TTC28: variants seen among roughly 807,000 people sequenced by gnomAD.
The protein encoded by TTC28 is tetratricopeptide repeat protein 28.
In TTC28, 61 loss-of-function variants were observed where a neutral mutation model predicts 198.0. That is an observed-to-expected ratio of 0.31 (90% CI 0.25 to 0.38). TTC28 has a LOEUF of 0.38. TTC28 is among the 10% of genes least tolerant of loss of function. TTC28 has a pLI of 1.00. For missense variants in TTC28, 2,678 were observed against 3,164.0 expected (o/e 0.85, Z 3.69); for synonymous variants, 1,171 against 1,297.8 (o/e 0.90, Z 2.10).
chr22:28,656,232 G>T (rs1007751158), intron 1 of TTC28, among the ~76,000 whole-genome samples: 1 of 152,100 alleles, frequency 6.6e-6, no homozygotes, highest in African/African-American at 2.4e-5. Context: ...AAGGAGCCTG[G>T]GACTCTAGTG....
chr22:28,030,719 ACT>A, intron 12 of TTC28, among the ~76,000 whole-genome samples: 1 of 152,088 alleles, frequency 6.6e-6, no homozygotes, highest in Non-Finnish European at 1.5e-5. Context: ...CTGGTCAGGC[ACT>A]CTTCCCAGCG....
intron 2 of TTC28, among the ~76,000 whole-genome samples, chr22:28,596,630 A>G (rs140492537): frequency 6.6e-6 from 1 of 152,352 alleles, no homozygotes; most frequent in African/African-American, 2.4e-5. Flanking sequence ...AGTGTCTACT[A>G]ACATTTTAAT....
intron 2 of TTC28, among the ~76,000 whole-genome samples, chr22:28,566,101 C>T (rs989662405): frequency 1.2e-5 from 1 of 85,288 alleles, no homozygotes; most frequent in African/African-American, 2.8e-5. Context: ...GGGTCAATAC[C>T]CCTGCTTTTG....
chr22:28,335,085 T>C (rs2145885864), intron 2 of TTC28, among the ~76,000 whole-genome samples: 1 of 152,328 alleles, frequency 6.6e-6, no homozygotes, highest in East Asian at 1.9e-4. Context: ...CTAGCCAGTC[T>C]TCCCAGCACC....
intron 3 of TTC28, 71 bp from the exon 4 acceptor site, chr22:28,297,923 T>A: frequency 1.4e-6 from 2 of 1,449,014 alleles, no homozygotes; most frequent in Non-Finnish European, 1.9e-6. Context: ...TCTTTTCTAA[T>A]ACGCTCTAGA....
chr22:27,993,006 G>A (rs953540064), intron 18 of TTC28: 3 of 567,430 alleles, frequency 5.3e-6, no homozygotes, highest in African/African-American at 3.7e-5. Flanking sequence ...AATGGCAGTA[G>A]TGGCCAGTGT....
rs556745235 is a variant in TTC28 at position 28,531,203 on chromosome 22, A to G, written c.381+98349T>C. Reference sequence around the variant, plus strand: ...GACACACATAGGCTCAAAATAAAGGAATGGAGGAAGATCTACCAAGCAAAT... The same window carrying G: ...GACACACATAGGCTCAAAATAAAGGGATGGAGGAAGATCTACCAAGCAAAT... On this transcript the variant is annotated intron_variant, in intron 2 of 22. Transcript: ENST00000397906. 9.2e-5 allele frequency among the ~76,000 whole-genome samples: 14 copies of G among 152,294 alleles called. No homozygotes were observed. The South Asian group carries it at 1.0e-3, about 11-fold the overall frequency.
At chr22:28,586,493 G>A (rs911882676) in intron 2 of TTC28, among the ~76,000 whole-genome samples, 5 of 152,094 alleles carry the variant, frequency 3.3e-5, no homozygotes. Context: ...TAGACATCAA[G>A]TGAATACAAA....
At chr22:28,147,204 C>A (rs1271018357) in intron 6 of TTC28, among the ~76,000 whole-genome samples, 1 of 152,184 alleles carries the variant, frequency 6.6e-6, no homozygotes, top group Non-Finnish European at 1.5e-5. Flanking sequence ...GAACAACATG[C>A]AGAAACTGGT....
At chr22:28,390,553 A>G (rs1451906477) in intron 2 of TTC28, among the ~76,000 whole-genome samples, 1 of 152,124 alleles carries the variant, frequency 6.6e-6, no homozygotes, top group Non-Finnish European at 1.5e-5. Flanking sequence ...TATATTTAGG[A>G]TAGTTAGCCC....
chr22:28,479,840 T>C (rs1374668833), intron 2 of TTC28, among the ~76,000 whole-genome samples: 1 of 152,314 alleles, frequency 6.6e-6, no homozygotes, highest in African/African-American at 2.4e-5. Context: ...TGTTTTCTGT[T>C]CCACCACACT....
chr22:28,064,337 G>C (rs1270840892), intron 12 of TTC28, among the ~76,000 whole-genome samples: 1 of 152,086 alleles, frequency 6.6e-6, no homozygotes, highest in Non-Finnish European at 1.5e-5. Context: ...CTTCAGGTTT[G>C]GATGAAGTCT....
At chr22:28,526,844 C>T (rs1601515355) in intron 2 of TTC28, among the ~76,000 whole-genome samples, 2 of 152,168 alleles carry the variant, frequency 1.3e-5, no homozygotes, top group East Asian at 3.9e-4. Context: ...GCAACCTCCG[C>T]CTCCCAGGTA....
intron 6 of TTC28, among the ~76,000 whole-genome samples, chr22:28,161,646 C>T (rs1054541529): frequency 4.0e-5 from 6 of 150,350 alleles, no homozygotes; most frequent in African/African-American, 1.5e-4. Context: ...AGATGGAGAC[C>T]CTGTCTCAAG....
chr22:28,025,364 AAGGTCACCTTAACAAAGGGCAGAGCC>A (rs1938788775), intron 13 of TTC28, among the ~76,000 whole-genome samples: 1 of 152,196 alleles, frequency 6.6e-6, no homozygotes, highest in Non-Finnish European at 1.5e-5. Context: ...TAAAAAGCTC[AAGGTCACCTTAACAAAGGGCAGAGCC>A]AGGTTTCAAA....
chr22:28,543,616 T>C (rs1236686065), intron 2 of TTC28, among the ~76,000 whole-genome samples: 1 of 152,134 alleles, frequency 6.6e-6, no homozygotes, highest in Non-Finnish European at 1.5e-5. Flanking sequence ...TCATAATCAA[T>C]TTTCCTATGA....
intron 2 of TTC28, among the ~76,000 whole-genome samples, chr22:28,466,645 G>C (rs543203104): frequency 1.3e-5 from 2 of 152,090 alleles, no homozygotes; most frequent in Admixed American, 1.3e-4. Context: ...TAAGCCAGAT[G>C]GTTTTAGAGA....
At chr22:28,293,043 C>T (rs2044817440) in intron 5 of TTC28, among the ~76,000 whole-genome samples, 1 of 152,150 alleles carries the variant, frequency 6.6e-6, no homozygotes, top group Non-Finnish European at 1.5e-5. Context: ...ATATTAACTC[C>T]AGTCTTGACA....
intron 2 of TTC28, among the ~76,000 whole-genome samples, chr22:28,547,287 G>A (rs1416347157): frequency 4.6e-5 from 7 of 152,008 alleles, no homozygotes; most frequent in Non-Finnish European, 1.0e-4. Context: ...ATATTCCATG[G>A]CTGTGTGCAG....
Sources: gnomAD v4.1 joint callset for allele counts (sites outside exome capture counted in the v4.1 genomes callset) on GRCh38, gnomAD v4.1.1 for gene constraint, MANE v1.5 for transcripts, NCBI Gene and HGNC (gene_info 2026-07-23, HGNC 2026-07-21) for gene names.